RPS6KC1: variants seen among roughly 807,000 people sequenced by gnomAD.
RPS6KC1 encodes ribosomal protein S6 kinase C1.
RPS6KC1 carries 54 observed loss-of-function variants against 103.8 expected under a neutral mutation model. The observed-to-expected ratio is 0.52, with a 90% confidence interval of 0.42 to 0.65. The LOEUF (loss-of-function observed/expected upper bound fraction) is 0.65, where lower values mean the gene tolerates loss of function less well. Among genes scored for constraint, RPS6KC1 ranks in the 30% least tolerant of loss-of-function variants. The pLI, the probability that RPS6KC1 is intolerant of heterozygous loss-of-function variation, is 0.00. For missense variants in RPS6KC1, 1,151 were observed against 1,253.8 expected (o/e 0.92, Z 1.24); for synonymous variants, 439 against 438.7 (o/e 1.00, Z -0.01).
chr1:213,312,537 A>G, the RPS6KC1 span, among the ~76,000 whole-genome samples: 4 of 152,082 alleles, frequency 2.6e-5, no homozygotes, highest in African/African-American at 7.2e-5. Flanking sequence ...GTGGTGCTGC[A>G]ACTCCATCTC....
the RPS6KC1 span, among the ~76,000 whole-genome samples, chr1:213,352,119 A>C: frequency 1.3e-5 from 2 of 152,150 alleles, no homozygotes; most frequent in African/African-American, 4.8e-5. Context: ...AGTATTCAGT[A>C]TCAGTGTCTT....
At chr1:213,062,483 G>C (rs2077928651) in intron 1 of RPS6KC1, among the ~76,000 whole-genome samples, 1 of 152,026 alleles carries the variant, frequency 6.6e-6, no homozygotes, top group African/African-American at 2.4e-5. Context: ...AAAAAATACA[G>C]CTTTTTGTAT....
chr1:213,660,174 A>G, the RPS6KC1 span, among the ~76,000 whole-genome samples: 6 of 152,196 alleles, frequency 3.9e-5, no homozygotes, highest in African/African-American at 9.7e-5. Context: ...AGGCAAGTTT[A>G]TTTTGTAATA....
chr1:213,085,372 C>A (rs1376351510), intron 3 of RPS6KC1, among the ~76,000 whole-genome samples: 1 of 152,208 alleles, frequency 6.6e-6, no homozygotes, highest in Non-Finnish European at 1.5e-5. Flanking sequence ...TTCATCATAT[C>A]TGCAAAGACT....
chr1:213,600,888 C>T, the RPS6KC1 span, among the ~76,000 whole-genome samples: 1 of 152,300 alleles, frequency 6.6e-6, no homozygotes, highest in South Asian at 2.1e-4. Context: ...TGGTAGGGCA[C>T]AAAAGGCCCC....
At chr1:213,486,408 A>T in the RPS6KC1 span, among the ~76,000 whole-genome samples, 36 of 152,130 alleles carry the variant, frequency 2.4e-4, no homozygotes, top group African/African-American at 8.4e-4. Context: ...GCTTGATTTT[A>T]TTTTTTTATT....
intron 8 of RPS6KC1, among the ~76,000 whole-genome samples, chr1:213,229,635 A>G (rs1487336148): frequency 3.3e-5 from 5 of 152,084 alleles, no homozygotes; most frequent in Non-Finnish European, 5.9e-5. Flanking sequence ...AAGCTTTAAT[A>G]GGGTAGGATA....
the RPS6KC1 span, among the ~76,000 whole-genome samples, chr1:213,699,996 G>T: frequency 2.0e-5 from 3 of 152,068 alleles, no homozygotes; most frequent in Non-Finnish European, 4.4e-5. Flanking sequence ...CCATTTTGTG[G>T]CTTGTCTTTT....
chr1:213,057,825 G>A (rs988250057), intron 1 of RPS6KC1, among the ~76,000 whole-genome samples: 3 of 142,718 alleles, frequency 2.1e-5, no homozygotes, highest in Non-Finnish European at 3.0e-5. Context: ...GTGCAGTGGC[G>A]TGATCATGGC....
chr1:213,566,715 C>T, the RPS6KC1 span, among the ~76,000 whole-genome samples: 2 of 151,160 alleles, frequency 1.3e-5, no homozygotes, highest in Non-Finnish European at 2.9e-5. Context: ...CCTGCTATAA[C>T]TATGCTATAA....
At chr1:213,747,697 T>A in the RPS6KC1 span, among the ~76,000 whole-genome samples, 4 of 152,288 alleles carry the variant, frequency 2.6e-5, no homozygotes, top group African/African-American at 9.6e-5. Flanking sequence ...TACAACCTAG[T>A]CAGAGGCAGA....
At chr1:213,170,971 A>G (rs1254567004) in intron 7 of RPS6KC1, among the ~76,000 whole-genome samples, 1 of 152,132 alleles carries the variant, frequency 6.6e-6, no homozygotes, top group Non-Finnish European at 1.5e-5. Context: ...GTGTGCAAAC[A>G]TTTCTTTCTA....
chr1:213,477,410 A>G, the RPS6KC1 span, among the ~76,000 whole-genome samples: 1 of 151,604 alleles, frequency 6.6e-6, no homozygotes, highest in African/African-American at 2.4e-5. Context: ...AAAATCTCCC[A>G]CTATTGTAGT....
chr1:213,056,916 T>C (rs2077377126), intron 1 of RPS6KC1, among the ~76,000 whole-genome samples: 1 of 150,520 alleles, frequency 6.6e-6, no homozygotes, highest in African/African-American at 2.4e-5. Flanking sequence ...GTTATCATAA[T>C]GTACTTGTTT....
intron 3 of RPS6KC1, among the ~76,000 whole-genome samples, chr1:213,102,894 A>G (rs965187699): frequency 4.6e-5 from 7 of 152,072 alleles, no homozygotes; most frequent in African/African-American, 1.7e-4. Flanking sequence ...TTGTGTATGG[A>G]TCCACTGTTA....
At chr1:213,232,594 G>T (rs2094129385) in intron 10 of RPS6KC1, among the ~76,000 whole-genome samples, 1 of 152,100 alleles carries the variant, frequency 6.6e-6, no homozygotes, top group African/African-American at 2.4e-5. Flanking sequence ...CCTGCTAAAA[G>T]GATACATTAT....
intron 12 of RPS6KC1, among the ~76,000 whole-genome samples, chr1:213,258,659 G>C (rs1037012991): frequency 6.6e-6 from 1 of 152,158 alleles, no homozygotes; most frequent in African/African-American, 2.4e-5. Flanking sequence ...GTTATCTAAT[G>C]GTCAGTGAGA....
chr1:213,054,113 G>A (rs2077155964), intron 1 of RPS6KC1, among the ~76,000 whole-genome samples: 1 of 152,204 alleles, frequency 6.6e-6, no homozygotes, highest in African/African-American at 2.4e-5. Context: ...TGGGATTACA[G>A]GCGTGAGCCA....
At chr1:213,078,833 C>T (rs2079595383) in intron 3 of RPS6KC1, among the ~76,000 whole-genome samples, 1 of 152,026 alleles carries the variant, frequency 6.6e-6, no homozygotes, top group South Asian at 2.1e-4. Flanking sequence ...ATGCAAATAA[C>T]TCAGGTGGTA....
Sources: allele counts gnomAD v4.1 joint callset (sites outside exome capture counted in the v4.1 genomes callset), GRCh38; gene constraint gnomAD v4.1.1; transcripts MANE v1.5; gene names NCBI Gene and HGNC (gene_info 2026-07-23, HGNC 2026-07-21).